The following SLC9A9 variants were observed in gnomAD, a reference collection of about 807,000 sequenced individuals.
SLC9A9 encodes sodium/hydrogen exchanger 9.
SLC9A9 carries 62 observed loss-of-function variants against 77.8 expected under a neutral mutation model. The observed-to-expected ratio is 0.80, with a 90% confidence interval of 0.65 to 0.98. The LOEUF (loss-of-function observed/expected upper bound fraction) is 0.98, where lower values mean the gene tolerates loss of function less well. SLC9A9 is among the 50% of genes least tolerant of loss of function. SLC9A9 has a pLI of 0.00. For missense variants in SLC9A9, 775 were observed against 774.9 expected, an observed-to-expected ratio of 1.00 and a Z score of 0.00; for synonymous variants, 320 against 283.5, an observed-to-expected ratio of 1.13 and a Z score of -1.29.
intron 12 of SLC9A9, among the ~76,000 whole-genome samples, chr3:143,383,176 C>T (rs2033344227): frequency 6.6e-6 from 1 of 152,198 alleles, no homozygotes; most frequent in Non-Finnish European, 1.5e-5. Flanking sequence ...TCAACAGAGT[C>T]CCCAGTCTGG....
intron 4 of SLC9A9, among the ~76,000 whole-genome samples, chr3:143,705,697 G>A (rs1933950571): frequency 6.6e-6 from 1 of 152,356 alleles, no homozygotes; most frequent in African/African-American, 2.4e-5. Context: ...GTGGTTAAGT[G>A]CTATGGAAAG....
intron 2 of SLC9A9, among the ~76,000 whole-genome samples, chr3:143,824,099 T>C (rs188191246): frequency 6.6e-6 from 1 of 152,196 alleles, no homozygotes; most frequent in East Asian, 1.9e-4. Context: ...AAAGTGGCCA[T>C]GGTACCTCAT....
intron 11 of SLC9A9, among the ~76,000 whole-genome samples, chr3:143,467,552 T>C (rs1274016917): frequency 2.0e-5 from 3 of 152,096 alleles, no homozygotes; most frequent in Non-Finnish European, 4.4e-5. Flanking sequence ...GAGACCAGCC[T>C]GGGCAACAAA....
At chr3:143,367,285 T>G (rs72992135) in intron 13 of SLC9A9, among the ~76,000 whole-genome samples, 3,729 of 152,300 alleles carry the variant, frequency 0.024, 183 homozygotes, top group African/African-American at 0.085. Flanking sequence ...GAGATGTTAT[T>G]CATTTCAATA....
chr3:143,641,924 T>C (rs2038630424), intron 6 of SLC9A9, among the ~76,000 whole-genome samples: 1 of 152,168 alleles, frequency 6.6e-6, no homozygotes, highest in African/African-American at 2.4e-5. Context: ...TCCCATTAAC[T>C]ATCATCACTA....
At chr3:143,545,008 A>G (rs548209228) in intron 9 of SLC9A9, among the ~76,000 whole-genome samples, 3 of 152,050 alleles carry the variant, frequency 2.0e-5, no homozygotes, top group Non-Finnish European at 2.9e-5. Flanking sequence ...CGGGTTCTCT[A>G]TTCTGTTTTA....
At position 143,767,376 on chromosome 3, in the gene SLC9A9, ATGTGTGTGTGTGTGTG is replaced by A. The variant is rs142594079; in HGVS notation, c.533+27609_533+27624del. On this transcript the variant is annotated intron_variant, in intron 4 of 15. Transcript: ENST00000316549. ...TTTGTGAAACAGTAAGTGTCTGTGTATGTGTGTGTGTGTGTGTGTGTGTGTGTGTGTGTGTGTTTAC... is the reference window on the plus strand; with the variant it reads ...TTTGTGAAACAGTAAGTGTCTGTGTATGTGTGTGTGTGTGTGTGTGTTTAC... 7.1e-5 allele frequency among the ~76,000 whole-genome samples: 10 copies of A among 141,376 alleles called. No individual in the cohort carries two copies. The South Asian group carries it at 1.9e-3, about 27-fold the overall frequency. The allele number at this position is 141,376 out of a possible 152,430, so 92.7% of individuals were successfully genotyped here.
At chr3:143,432,734 T>C (rs903728677) in intron 12 of SLC9A9, among the ~76,000 whole-genome samples, 1 of 152,190 alleles carries the variant, frequency 6.6e-6, no homozygotes, top group African/African-American at 2.4e-5. Flanking sequence ...TTCAAGCGAT[T>C]CTCCTGCCTC....
At chr3:143,302,734 G>T (rs965508871) in intron 14 of SLC9A9, among the ~76,000 whole-genome samples, 1 of 152,206 alleles carries the variant, frequency 6.6e-6, no homozygotes, top group East Asian at 1.9e-4. Context: ...GGAACAGACA[G>T]AATGACTGCG....
intron 5 of SLC9A9, 99 bp from the exon 6 acceptor site, chr3:143,652,459 C>A: frequency 1.2e-6 from 1 of 864,430 alleles, no homozygotes; most frequent in Non-Finnish European, 1.9e-6. Flanking sequence ...AAATGCTCAT[C>A]TTCTCAAATC....
chr3:143,788,640 G>A (rs985334918), intron 4 of SLC9A9, among the ~76,000 whole-genome samples: 4 of 139,484 alleles, frequency 2.9e-5, no homozygotes, highest in African/African-American at 8.1e-5. Context: ...GCAGTGAGGT[G>A]AGATCACGCC....
intron 14 of SLC9A9, among the ~76,000 whole-genome samples, chr3:143,337,605 T>G (rs139881216): frequency 6.6e-6 from 1 of 152,216 alleles, no homozygotes; most frequent in African/African-American, 2.4e-5. Context: ...GAGAAACATA[T>G]GGCTCCCTTG....
intron 14 of SLC9A9, among the ~76,000 whole-genome samples, chr3:143,347,782 G>T (rs2032332625): frequency 6.6e-6 from 1 of 152,150 alleles, no homozygotes; most frequent in Non-Finnish European, 1.5e-5. Context: ...GTATTTTATA[G>T]ATCTGTGAGT....
At chr3:143,326,542 C>G (rs1178044804) in intron 14 of SLC9A9, among the ~76,000 whole-genome samples, 1 of 152,130 alleles carries the variant, frequency 6.6e-6, no homozygotes, top group African/African-American at 2.4e-5. Context: ...CCCCTCCCCC[C>G]AGGCCTTTGC....
intron 6 of SLC9A9, among the ~76,000 whole-genome samples, chr3:143,632,486 C>G (rs535299810): frequency 6.6e-5 from 10 of 152,306 alleles, no homozygotes; most frequent in African/African-American, 1.9e-4. Context: ...CACTTACCTA[C>G]TGACCCCGTC....
chr3:143,582,949 G>A (rs559203904), intron 6 of SLC9A9, among the ~76,000 whole-genome samples: 1 of 152,162 alleles, frequency 6.6e-6, no homozygotes, highest in South Asian at 2.1e-4. Flanking sequence ...GTACAGGAGT[G>A]TGAGACCAGC....
In SLC9A9 at chr3:143,326,255, A is replaced by G. The variant is rs147117376; in HGVS notation, c.1604+37229T>C. On this transcript the variant is annotated intron_variant, in intron 14 of 15. Coordinates refer to ENST00000316549, the MANE Select transcript of SLC9A9 (RefSeq NM_173653.4). ...TGCTAAGTGGTCTCCCAGACACTAC[A>G]CTTGCTTTCCTGCAATTCTCCACAC... Among the ~76,000 whole-genome samples, 827 of 152,246 alleles carry G rather than the reference A, an allele frequency of 5.4e-3. 3 individuals carry two copies. Among genetic ancestry groups the G allele is most frequent in the Non-Finnish European group, 8.3e-3 (563 of 68,026 alleles).
intron 12 of SLC9A9, among the ~76,000 whole-genome samples, chr3:143,412,693 G>A (rs1301449282): frequency 6.6e-6 from 1 of 152,144 alleles, no homozygotes; most frequent in Non-Finnish European, 1.5e-5. Flanking sequence ...TCCCTCTTTA[G>A]CGCCATCAGA....
At chr3:143,444,038 C>T (rs2034799836) in intron 12 of SLC9A9, among the ~76,000 whole-genome samples, 1 of 152,194 alleles carries the variant, frequency 6.6e-6, no homozygotes, top group Admixed American at 6.5e-5. Context: ...CGGCCACACC[C>T]AGATTTTTAT....
Sources: gnomAD v4.1 joint callset for allele counts (sites outside exome capture counted in the v4.1 genomes callset) on GRCh38, gnomAD v4.1.1 for gene constraint, MANE v1.5 for transcripts, NCBI Gene and HGNC (gene_info 2026-07-23, HGNC 2026-07-21) for gene names.